The following RNF185 variants were observed in gnomAD, a reference collection of about 807,000 sequenced individuals.
RNF185 encodes E3 ubiquitin-protein ligase RNF185.
A neutral mutation model predicts 24.9 loss-of-function variants in RNF185; 13 were observed. The observed-to-expected ratio is 0.52, with a 90% CI of 0.34 to 0.83. The LOEUF (loss-of-function observed/expected upper bound fraction) is 0.83, where lower values mean the gene tolerates loss of function less well. Ranked by LOEUF, RNF185 falls within the 40% of genes least tolerant of loss-of-function variation. RNF185 has a pLI of 0.01. For synonymous variants in RNF185, 79 were observed against 90.3 expected, an observed-to-expected ratio of 0.88 and a Z score of 0.71; for missense variants, 184 against 244.7, an observed-to-expected ratio of 0.75 and a Z score of 1.65.
rs2048318347 is a variant in RNF185 at position 31,206,766 on chromosome 22, G to A, written c.*2180G>A. 6.6e-6 allele frequency: 1 copy of A among 152,198 alleles called. No homozygotes were observed. The highest frequency in any genetic ancestry group is 6.5e-5 in the Admixed American group (1 of 15,286). 9.4% of individuals were successfully genotyped at this position (152,198 alleles called of 1,614,324 possible). A position where few individuals can be genotyped will look rare whatever the true frequency, so the allele number is the denominator to read the frequency against. On this transcript the variant is annotated 3_prime_UTR_variant, in exon 7 of 7. Transcript: ENST00000326132. ...GGACTCCTGGCTCGGCCCCAACAGGGAGCCCCCTTCCCACCATCCCTCGGC... is the reference window on the plus strand; with the variant it reads ...GGACTCCTGGCTCGGCCCCAACAGGAAGCCCCCTTCCCACCATCCCTCGGC...
rs1568975579 is a variant in RNF185, at chr22:31,204,797, A to T, written c.*211A>T. ...TCGCCACCGCTGTAAACACTCTATA[A>T]CTTCAGGCCTTGGCATTGAGTCATC... On this transcript the variant is annotated 3_prime_UTR_variant, in exon 7 of 7. Coordinates refer to ENST00000326132, the MANE Select transcript of RNF185 (RefSeq NM_152267.4). 2 of 522,402 alleles carry T rather than the reference A, an allele frequency of 3.8e-6. No individual in the cohort carries two copies. Among genetic ancestry groups the T allele is most frequent in the East Asian group, 6.5e-5 (2 of 30,980 alleles). 32.4% of individuals were successfully genotyped at this position (522,402 alleles called of 1,614,324 possible).
chr22:31,175,172 G>C (rs756878238), intron 1 of RNF185, among the ~76,000 whole-genome samples: 1 of 151,992 alleles, frequency 6.6e-6, no homozygotes, highest in Non-Finnish European at 1.5e-5. Context: ...TCTGGGCTTG[G>C]TGGCTGATTG....
chr22:31,201,648 A>C, intron 6 of RNF185, 33 bp downstream of exon 6: 1 of 1,463,094 alleles, frequency 6.8e-7, no homozygotes, highest in Non-Finnish European at 9.6e-7. Flanking sequence ...AATTAGGAAG[A>C]TATCTTAGTA....
In RNF185 at chr22:31,199,111, A is replaced by G. The variant is rs900386519; in HGVS notation, c.363+2121A>G. 5.9e-5 allele frequency among the ~76,000 whole-genome samples: 9 copies of G among 151,982 alleles called. No individual in the cohort carries two copies. The East Asian group carries it at 1.2e-3, about 20-fold the overall frequency. ...CAAGACTCTGTCTCAAAAAAAAAAA[A>G]AAAGAAAGAAAGAAATTAAGGTTCT... On this transcript the variant is annotated intron_variant, in intron 5 of 6. Coordinates refer to ENST00000326132, the MANE Select transcript of RNF185 (RefSeq NM_152267.4).
At chr22:31,195,684 C>A in intron 4 of RNF185, 103 bp downstream of exon 4, 1 of 730,530 alleles carries the variant, frequency 1.4e-6, no homozygotes, top group South Asian at 1.8e-5. Flanking sequence ...ACTAGATGAT[C>A]TCTTGGTTTC....
At chr22:31,165,268 T>C (rs1864856444) in intron 1 of RNF185, among the ~76,000 whole-genome samples, 1 of 152,118 alleles carries the variant, frequency 6.6e-6, no homozygotes, top group African/African-American at 2.4e-5. Context: ...CCACAACACT[T>C]GTTATTGCCC....
At chr22:31,171,321 C>G (rs889101772) in intron 1 of RNF185, among the ~76,000 whole-genome samples, 1 of 151,638 alleles carries the variant, frequency 6.6e-6, no homozygotes, top group Non-Finnish European at 1.5e-5. Context: ...AGGCGCCCAC[C>G]ACTATGACCA....
At chr22:31,162,354 T>C (rs1323976247) in intron 1 of RNF185, among the ~76,000 whole-genome samples, 3 of 152,328 alleles carry the variant, frequency 2.0e-5, no homozygotes, top group Non-Finnish European at 4.4e-5. Context: ...AACTTCTCGA[T>C]CTAAAAGTTT....
chr22:31,176,941 AAG>A (rs966313704), intron 1 of RNF185, among the ~76,000 whole-genome samples: 2 of 152,168 alleles, frequency 1.3e-5, no homozygotes, highest in Admixed American at 1.3e-4. Context: ...TGGGGAGAAA[AAG>A]AGACGTTAAA....
chr22:31,202,933 C>T (rs1274729725), intron 6 of RNF185, among the ~76,000 whole-genome samples: 2 of 152,148 alleles, frequency 1.3e-5, no homozygotes, highest in African/African-American at 4.8e-5. Flanking sequence ...CCCTTTCTTA[C>T]TTTATCTGCC....
In RNF185 at chr22:31,170,960, G is replaced by A. The variant is rs150255790; in HGVS notation, c.-49+10657G>A. Among the ~76,000 whole-genome samples, 169 of 151,914 alleles carry A rather than the reference G, an allele frequency of 1.1e-3. 4 individuals carry two copies. The East Asian group carries it at 0.028, about 25-fold the overall frequency. On this transcript the variant is annotated intron_variant, in intron 1 of 6. Coordinates refer to ENST00000326132, the MANE Select transcript of RNF185 (RefSeq NM_152267.4). ...GTTCCACTGTGCCTGGCATGTGGGG[G>A]TTTTTAAAGATGGACAGGTCTCTGA...
chr22:31,168,934 G>C (rs1242043061), intron 1 of RNF185, among the ~76,000 whole-genome samples: 1 of 151,650 alleles, frequency 6.6e-6, no homozygotes, highest in South Asian at 2.1e-4. Flanking sequence ...TTGAGACAGA[G>C]TCTCTCTCTC....
intron 1 of RNF185, among the ~76,000 whole-genome samples, chr22:31,182,374 G>T (rs1039147122): frequency 6.6e-6 from 1 of 151,862 alleles, no homozygotes; most frequent in East Asian, 1.9e-4. Flanking sequence ...TGCAACTTCC[G>T]CCTCGCAAGC....
Position 31,192,665 on chromosome 22 carries a change from GC to G in RNF185, c.177-16del, listed in dbSNP as rs1568970366. ...TTCTCCTTCTCCTTGATGACTGGTT[GC>G]CCTGGGGACTCTGGCAGTTGGCCGT... On this transcript the variant is annotated intron_variant, in intron 2 of 6. Coordinates refer to ENST00000326132, the MANE Select transcript of RNF185 (RefSeq NM_152267.4). The G allele has an allele frequency of 1.2e-6, 2 of 1,612,780 alleles. No individual in the cohort carries two copies. Among genetic ancestry groups the G allele is most frequent in the Non-Finnish European group, 1.7e-6 (2 of 1,178,842 alleles).
intron 1 of RNF185, chr22:31,182,832 C>A (rs2147940605): frequency 6.6e-6 from 1 of 152,030 alleles, no homozygotes; most frequent in African/African-American, 2.4e-5. Context: ...CTGGATTTGG[C>A]TGATGACATC....
intron 1 of RNF185, among the ~76,000 whole-genome samples, chr22:31,167,209 T>C (rs1337012180): frequency 6.6e-6 from 1 of 152,184 alleles, no homozygotes; most frequent in African/African-American, 2.4e-5. Context: ...AGGGTCTCAC[T>C]CTGTGGCCTA....
chr22:31,172,828 C>T (rs1367555071), intron 1 of RNF185, among the ~76,000 whole-genome samples: 1 of 151,812 alleles, frequency 6.6e-6, no homozygotes, highest in African/African-American at 2.4e-5. Context: ...ACAATTATTC[C>T]CCATTTGCAG....
At chr22:31,170,517 T>A (rs932134736) in intron 1 of RNF185, among the ~76,000 whole-genome samples, 9 of 151,390 alleles carry the variant, frequency 5.9e-5, no homozygotes, top group African/African-American at 1.9e-4. Context: ...TTATTTATTT[T>A]ATTTATTTAT....
chr22:31,160,846 T>G (rs1441138980), intron 1 of RNF185, among the ~76,000 whole-genome samples: 1 of 152,224 alleles, frequency 6.6e-6, no homozygotes, highest in Non-Finnish European at 1.5e-5. Flanking sequence ...AGATGCCGGC[T>G]TTACAGCGCG....
Sources: allele counts gnomAD v4.1 joint callset (sites outside exome capture counted in the v4.1 genomes callset), GRCh38; gene constraint gnomAD v4.1.1; transcripts MANE v1.5; gene names NCBI Gene and HGNC (gene_info 2026-07-23, HGNC 2026-07-21).